The following PRKCB variants were observed in gnomAD, a reference collection of about 807,000 sequenced individuals.
PRKCB encodes protein kinase C beta, also known as protein kinase C beta type.
A neutral mutation model predicts 81.5 loss-of-function variants in PRKCB; 13 were observed. The ratio of observed to expected loss-of-function variants is 0.16; its 90% CI spans 0.10 to 0.25. The LOEUF is 0.25. PRKCB is among the 10% of genes least tolerant of loss of function. PRKCB has a pLI of 1.00. For missense variants in PRKCB, 509 were observed against 875.7 expected (o/e 0.58, Z 5.29); for synonymous variants, 335 against 321.4 (o/e 1.04, Z -0.45).
chr16:24,022,583 C>T (rs576404259), intron 3 of PRKCB, among the ~76,000 whole-genome samples: 1 of 152,222 alleles, frequency 6.6e-6, no homozygotes, highest in African/African-American at 2.4e-5. Context: ...GCTCCGCCTC[C>T]CGGGTTCATG....
chr16:23,929,093 C>T, intron 2 of PRKCB, among the ~76,000 whole-genome samples: 1 of 151,968 alleles, frequency 6.6e-6, no homozygotes, highest in East Asian at 1.9e-4. Context: ...TGGGGAAGGG[C>T]AGACTGGCTT....
At chr16:24,133,008 G>A (rs530005896) in intron 9 of PRKCB, among the ~76,000 whole-genome samples, 3 of 152,200 alleles carry the variant, frequency 2.0e-5, no homozygotes, top group East Asian at 1.9e-4. Flanking sequence ...CAGCGATTCC[G>A]TGGAATGTCA....
intron 2 of PRKCB, chr16:23,869,353 G>GT (rs1289295171): frequency 2.5e-5 from 7 of 281,578 alleles, no homozygotes; most frequent in African/African-American, 1.5e-4. Context: ...CGTAGCACGA[G>GT]TAAGAGCTAA....
chr16:23,899,644 C>CTGTGTG (rs1224002439), intron 2 of PRKCB, among the ~76,000 whole-genome samples: 1 of 5,782 alleles, frequency 1.7e-4, no homozygotes, highest in African/African-American at 2.1e-4. Flanking sequence ...CTCTCTCTCT[C>CTGTGTG]TGTGTGTGTG....
At chr16:24,050,592 T>G (rs982256546) in intron 5 of PRKCB, among the ~76,000 whole-genome samples, 1 of 152,176 alleles carries the variant, frequency 6.6e-6, no homozygotes, top group Non-Finnish European at 1.5e-5. Flanking sequence ...CCTCTACTTA[T>G]GCTCACCACA....
chr16:24,176,602 TGCACATGAGGCTGG>T (rs745555523), intron 12 of PRKCB, among the ~76,000 whole-genome samples: 7 of 152,102 alleles, frequency 4.6e-5, no homozygotes, highest in Non-Finnish European at 1.0e-4. Flanking sequence ...TTTTGAAAGG[TGCACATGAGGCTGG>T]GCGCAGTGGC....
At chr16:24,063,214 A>C (rs1965994509) in intron 5 of PRKCB, among the ~76,000 whole-genome samples, 2 of 151,722 alleles carry the variant, frequency 1.3e-5, no homozygotes, top group Non-Finnish European at 2.9e-5. Context: ...CCCTGTCTTC[A>C]CATTTGTGAG....
chr16:24,025,217 T>C (rs1965461328), intron 3 of PRKCB, among the ~76,000 whole-genome samples: 1 of 152,192 alleles, frequency 6.6e-6, no homozygotes, highest in Admixed American at 6.5e-5. Context: ...TGCAGGGGTT[T>C]GCAGTGGCCA....
intron 2 of PRKCB, among the ~76,000 whole-genome samples, chr16:23,961,085 T>G (rs1450586408): frequency 1.3e-5 from 2 of 152,242 alleles, no homozygotes; most frequent in Admixed American, 1.3e-4. Flanking sequence ...GCTTATTTTT[T>G]TTTTTAAGAA....
At chr16:24,027,287 C>T (rs1285005207) in intron 3 of PRKCB, among the ~76,000 whole-genome samples, 2 of 152,132 alleles carry the variant, frequency 1.3e-5, no homozygotes, top group Non-Finnish European at 2.9e-5. Flanking sequence ...GGGTTTGAAG[C>T]ACTGAACTCC....
At chr16:24,157,901 A>G (rs1967186957) in intron 10 of PRKCB, among the ~76,000 whole-genome samples, 1 of 151,680 alleles carries the variant, frequency 6.6e-6, no homozygotes, top group African/African-American at 2.4e-5. Context: ...TTTCCTTTAT[A>G]AATTACCGAG....
intron 2 of PRKCB, among the ~76,000 whole-genome samples, chr16:23,857,077 A>G (rs966982535): frequency 6.6e-6 from 1 of 152,150 alleles, no homozygotes; most frequent in Non-Finnish European, 1.5e-5. Context: ...CCCCATCACC[A>G]TGTCCCAAGA....
At chr16:24,122,483 G>T (rs1966811384) in intron 8 of PRKCB, among the ~76,000 whole-genome samples, 1 of 131,880 alleles carries the variant, frequency 7.6e-6, no homozygotes. Context: ...AGAGAGAGAT[G>T]GGATCTCACT....
intron 5 of PRKCB, among the ~76,000 whole-genome samples, chr16:24,058,305 C>G (rs996306624): frequency 6.6e-6 from 1 of 152,110 alleles, no homozygotes; most frequent in African/African-American, 2.4e-5. Flanking sequence ...TTTCTCTCCA[C>G]TGGATGGAGA....
chr16:24,183,830 G>A (rs1967663253), intron 13 of PRKCB, among the ~76,000 whole-genome samples: 1 of 152,166 alleles, frequency 6.6e-6, no homozygotes, highest in Non-Finnish European at 1.5e-5. Flanking sequence ...CTTAACCTCT[G>A]ACATGGTTAG....
At chr16:23,997,559 G>A (rs1261824595) in intron 3 of PRKCB, among the ~76,000 whole-genome samples, 1 of 152,116 alleles carries the variant, frequency 6.6e-6, no homozygotes, top group African/African-American at 2.4e-5. Context: ...ATGATTATTG[G>A]CATTATTTTG....
At chr16:23,986,223 G>T (rs1964802295) in intron 2 of PRKCB, among the ~76,000 whole-genome samples, 1 of 152,094 alleles carries the variant, frequency 6.6e-6, no homozygotes, top group African/African-American at 2.4e-5. Context: ...TGGTTTAAAA[G>T]GAATACATAG....
At chr16:24,016,838 C>T (rs1404384592) in intron 3 of PRKCB, among the ~76,000 whole-genome samples, 4 of 152,184 alleles carry the variant, frequency 2.6e-5, no homozygotes, top group Non-Finnish European at 5.9e-5. Context: ...TGCACAATTC[C>T]TTATTCTAAA....
In PRKCB at chr16:24,131,407, C is replaced by G. The variant is rs143216025; in HGVS notation, c.1065+7426C>G. On this transcript the variant is annotated intron_variant, in intron 9 of 16. Transcript: ENST00000643927. Reference sequence around the variant, plus strand: ...GGCTGTGGAGGGTCTGGTGGTGGCCCCTTCCACTAGGGTACCCCTAGAAAC... The same window carrying G: ...GGCTGTGGAGGGTCTGGTGGTGGCCGCTTCCACTAGGGTACCCCTAGAAAC... 2.2e-3 allele frequency among the ~76,000 whole-genome samples: 330 copies of G among 152,288 alleles called. 1 individual carries two copies. The highest frequency in any genetic ancestry group is 7.7e-3 in the African/African-American group (320 of 41,564).
Sources: gnomAD v4.1 joint callset for allele counts (sites outside exome capture counted in the v4.1 genomes callset) on GRCh38, gnomAD v4.1.1 for gene constraint, MANE v1.5 for transcripts, NCBI Gene and HGNC (gene_info 2026-07-23, HGNC 2026-07-21) for gene names.